The following BST1 variants were observed in gnomAD, a reference collection of about 807,000 sequenced individuals.
BST1 encodes the protein ADP-ribosyl cyclase/cyclic ADP-ribose hydrolase 2.
A neutral mutation model predicts 40.6 loss-of-function variants in BST1; 49 were observed. That is an observed-to-expected ratio of 1.21 (90% CI 0.96 to 1.53). The LOEUF (loss-of-function observed/expected upper bound fraction) is 1.53. Among genes scored for constraint, BST1 ranks in the 40% most tolerant of loss-of-function variants. BST1 has a pLI of 0.00. For missense variants in BST1, 423 were observed against 395.9 expected (o/e 1.07, Z -0.58); for synonymous variants, 157 against 159.3 (o/e 0.99, Z 0.11).
intron 7 of BST1, among the ~76,000 whole-genome samples, chr4:15,720,382 G>C (rs1031720535): frequency 6.6e-6 from 1 of 152,072 alleles, no homozygotes; most frequent in Non-Finnish European, 1.5e-5. Flanking sequence ...ACTTTGGAAG[G>C]CCGAGGCGGG....
chr4:15,712,781 C>T (rs756462800), intron 4 of BST1, among the ~76,000 whole-genome samples: 2 of 152,148 alleles, frequency 1.3e-5, no homozygotes, highest in African/African-American at 4.8e-5. Context: ...CTGCTGCCCA[C>T]CCCAAGAGAG....
At chr4:15,726,217 C>A (rs1037689250) in intron 8 of BST1, among the ~76,000 whole-genome samples, 1 of 151,204 alleles carries the variant, frequency 6.6e-6, no homozygotes, top group Non-Finnish European at 1.5e-5. Context: ...CGCCTCCCAC[C>A]TGTCAGAACA....
intron 8 of BST1, among the ~76,000 whole-genome samples, chr4:15,729,606 A>G (rs560219507): frequency 6.6e-6 from 1 of 152,232 alleles, no homozygotes; most frequent in Non-Finnish European, 1.5e-5. Flanking sequence ...AATTAAATAA[A>G]AGGGCATGGG....
At chr4:15,709,859 C>T (rs1720095351) in intron 3 of BST1, among the ~76,000 whole-genome samples, 1 of 152,062 alleles carries the variant, frequency 6.6e-6, no homozygotes, top group African/African-American at 2.4e-5. Flanking sequence ...AATAAAAACA[C>T]ATATACACAA....
chr4:15,737,833 C>T (rs1462298890), exon 7 of BST1: 1 of 1,285,232 alleles, frequency 7.8e-7, no homozygotes, highest in South Asian at 1.2e-5. Context: ...GTCAGAGAGT[C>T]CAAAGATGTA....
Position 15,703,343 on chromosome 4 carries a change from C to T in BST1, c.188+11C>T, listed in dbSNP as rs1400534267. 9.2e-6 allele frequency: 13 copies of T among 1,408,052 alleles called. No individual in the cohort carries two copies. The Admixed American group carries it at 2.8e-4, about 30-fold the overall frequency. The allele number at this position is 1,408,052 out of a possible 1,614,324, so 87.2% of individuals were successfully genotyped here. ...GAGTCCCGAGCAGCGGTGAGGCAGT[C>T]GGCCGGGTGGAAGGGGAGCCGGAAA... On this transcript the variant is annotated intron_variant, in intron 1 of 8. Coordinates refer to ENST00000265016, the MANE Select transcript of BST1 (RefSeq NM_004334.3).
At chr4:15,736,063 C>T (rs925540098), downstream of BST1, 25 of 1,287,998 alleles carry the variant, frequency 1.9e-5, no homozygotes, top group Non-Finnish European at 2.4e-5. Context: ...ACCCAAGAGG[C>T]TATGTGGGAC....
chr4:15,732,881 T>G (rs561475486), downstream of BST1: 108 of 152,896 alleles, frequency 7.1e-4, no homozygotes, highest in Middle Eastern at 0.01. Flanking sequence ...TTGCAGTGAG[T>G]GTTACAGCTC....
chr4:15,754,652 T>C, the BST1 span, among the ~76,000 whole-genome samples: 2 of 152,210 alleles, frequency 1.3e-5, no homozygotes, highest in African/African-American at 4.8e-5. Context: ...CCTGAAAAGA[T>C]GGAAAAAACG....
At chr4:15,703,462 T>G (rs1577560730) in intron 1 of BST1, 130 bp downstream of exon 1, 72 of 1,150,826 alleles carry the variant, frequency 6.3e-5, no homozygotes, top group East Asian at 1.1e-4. Context: ...GAGAGGTGAG[T>G]GTGGAGACAG....
chr4:15,761,925 C>A, the BST1 span, among the ~76,000 whole-genome samples: 1 of 151,728 alleles, frequency 6.6e-6, no homozygotes, highest in African/African-American at 2.4e-5. Flanking sequence ...TTCGGCCGGG[C>A]GCGGTGGCTC....
rs372356195 is a variant in BST1, at chr4:15,711,794, A to G, written c.452-13A>G. The stretch of plus-strand genomic sequence containing the variant: ...TCTTTGGAATAAAATGTGTTTGTCT[A>G]CTTACCCCTTAGGACTCGATTACCA... On this transcript the variant is annotated splice_polypyrimidine_tract_variant and intron_variant, in intron 3 of 8. Coordinates refer to ENST00000265016, the MANE Select transcript of BST1 (RefSeq NM_004334.3). The G allele has an allele frequency of 1.9e-6, 3 of 1,596,318 alleles. No individual in the cohort carries two copies. The highest frequency in any genetic ancestry group is 1.7e-5 in the Admixed American group (1 of 59,976).
intron 8 of BST1, 181 bp from the exon 9 acceptor site, chr4:15,731,559 G>T: frequency 9.7e-7 from 1 of 1,030,442 alleles, no homozygotes; most frequent in Non-Finnish European, 1.5e-6. Flanking sequence ...TGGGGTGCTT[G>T]CGCTGGTTTC....
the BST1 span, among the ~76,000 whole-genome samples, chr4:15,763,446 T>C: frequency 6.6e-6 from 1 of 151,838 alleles, no homozygotes; most frequent in Non-Finnish European, 1.5e-5. Flanking sequence ...TATTTTTTCT[T>C]TGTACGCTTC....
chr4:15,704,565 G>T (rs1339599207), intron 1 of BST1, among the ~76,000 whole-genome samples: 10 of 151,160 alleles, frequency 6.6e-5, no homozygotes, highest in African/African-American at 2.4e-4. Flanking sequence ...AGAGGTGAGG[G>T]ATGTGTGTGT....
chr4:15,744,007 C>G, the BST1 span, among the ~76,000 whole-genome samples: 1 of 152,230 alleles, frequency 6.6e-6, no homozygotes, highest in Non-Finnish European at 1.5e-5. Flanking sequence ...GCATTAGAGT[C>G]TTTCTTTCCT....
At chr4:15,730,059 G>A (rs1225346159) in intron 8 of BST1, among the ~76,000 whole-genome samples, 1 of 152,120 alleles carries the variant, frequency 6.6e-6, no homozygotes, top group Non-Finnish European at 1.5e-5. Flanking sequence ...TGAGTGAATC[G>A]AGTCTGGGAC....
the BST1 span, among the ~76,000 whole-genome samples, chr4:15,758,099 T>C: frequency 5.3e-5 from 8 of 152,230 alleles, no homozygotes; most frequent in Admixed American, 3.3e-4. Context: ...GATAATTAAA[T>C]TAAGCTAGTT....
chr4:15,708,670 C>T (rs1000081414), intron 3 of BST1, among the ~76,000 whole-genome samples: 3 of 152,006 alleles, frequency 2.0e-5, no homozygotes, highest in African/African-American at 7.2e-5. Context: ...TTTGAGGTCA[C>T]GAGTTCGAGA....
Sources: allele counts gnomAD v4.1 joint callset (sites outside exome capture counted in the v4.1 genomes callset), GRCh38; gene constraint gnomAD v4.1.1; transcripts MANE v1.5; gene names NCBI Gene and HGNC (gene_info 2026-07-23, HGNC 2026-07-21).